PASK: variants seen among roughly 807,000 people sequenced by gnomAD.
PASK encodes the protein PAS domain containing serine/threonine kinase, also known as PAS domain-containing serine/threonine-protein kinase.
In PASK, 110 loss-of-function variants were observed where a neutral mutation model predicts 121.0. The observed-to-expected ratio is 0.91, with a 90% CI of 0.78 to 1.06. The LOEUF is 1.06. Among genes scored for constraint, PASK ranks in the 50% least tolerant of loss-of-function variants. The pLI is 0.00. For missense variants in PASK, 1,643 were observed against 1,702.3 expected, an observed-to-expected ratio of 0.97 and a Z score of 0.61; for synonymous variants, 686 against 717.8, an observed-to-expected ratio of 0.96 and a Z score of 0.71.
upstream of PASK, chr2:241,149,751 G>A: frequency 1.3e-6 from 2 of 1,541,916 alleles, no homozygotes; most frequent in South Asian, 1.2e-5. Context: ...TCTTTCTGAA[G>A]GCGGAGGACG....
chr2:241,134,856 AG>A (rs1171415682), intron 8 of PASK: 1 of 148,180 alleles, frequency 6.7e-6, no homozygotes, highest in Non-Finnish European at 1.5e-5. Context: ...AGCCTGCCCC[AG>A]GAACTCCAGA....
chr2:241,139,714 G>A, intron 4 of PASK, 171 bp downstream of exon 4: 2 of 724,706 alleles, frequency 2.8e-6, no homozygotes, highest in South Asian at 1.5e-5. Flanking sequence ...CACCCCCACT[G>A]CAGCTGAAGC....
At chr2:241,130,211 C>A (rs552860069) in intron 9 of PASK, among the ~76,000 whole-genome samples, 123 of 152,314 alleles carry the variant, frequency 8.1e-4, no homozygotes, top group Non-Finnish European at 1.4e-3. Context: ...AATAAGCGAA[C>A]GAGTGAGTGA....
intron 15 of PASK, chr2:241,109,411 A>G (rs941655828): frequency 6.6e-6 from 1 of 152,632 alleles, no homozygotes; most frequent in South Asian, 2.1e-4. Context: ...GTCTGTCCCC[A>G]GAAGAGGTCT....
At chr2:241,143,562 A>G (rs2066813835) in intron 1 of PASK, among the ~76,000 whole-genome samples, 1 of 150,624 alleles carries the variant, frequency 6.6e-6, no homozygotes, top group Non-Finnish European at 1.5e-5. Flanking sequence ...AAAAAAAAGA[A>G]AAAAAAAAAG....
intron 1 of PASK, 26 bp downstream of exon 1, chr2:241,149,388 C>T (rs372992362): frequency 2.4e-6 from 1 of 418,434 alleles, no homozygotes; most frequent in Non-Finnish European, 4.3e-6. Context: ...GAGCCCGGCC[C>T]GCTCTCCCGA....
chr2:241,140,520 C>T lies in PASK; in HGVS notation c.429+1G>A. On this transcript the variant is annotated splice_donor_variant, in intron 3 of 17. Coordinates refer to ENST00000234040, the MANE Select transcript of PASK (RefSeq NM_015148.4). LOFTEE classifies it high-confidence loss of function. ...GCTGGATCTAAAAGAGAAGCAAATA[C>T]CTCTGTGGTCTTGGCATCCACCGTG... 1 of 1,597,156 alleles carries T rather than the reference C, an allele frequency of 6.3e-7. No individual in the cohort carries two copies. The highest frequency in any genetic ancestry group is 8.6e-7 in the Non-Finnish European group (1 of 1,165,908).
intron 12 of PASK, among the ~76,000 whole-genome samples, chr2:241,117,048 C>A (rs1309452708): frequency 6.6e-6 from 1 of 151,944 alleles, no homozygotes; most frequent in African/African-American, 2.4e-5. Flanking sequence ...TGTGGCAGAG[C>A]GCACCTGAGC....
At chr2:241,136,703 G>C (rs1264519049) in intron 7 of PASK, among the ~76,000 whole-genome samples, 3 of 152,216 alleles carry the variant, frequency 2.0e-5, no homozygotes, top group Non-Finnish European at 4.4e-5. Context: ...CTACTAGGGT[G>C]AGAAATGAAC....
intron 17 of PASK, 149 bp from the exon 18 acceptor site, chr2:241,106,872 C>A: frequency 3.8e-6 from 3 of 794,946 alleles, no homozygotes; most frequent in South Asian, 3.0e-5. Context: ...ACAGATCCTG[C>A]CAAGGTGGGG....
intron 14 of PASK, 162 bp downstream of exon 14, chr2:241,114,881 A>G (rs928961735): frequency 2.0e-6 from 3 of 1,524,800 alleles, no homozygotes; most frequent in Non-Finnish European, 8.8e-7. Flanking sequence ...TCAATCATAG[A>G]ATTTTCTTCT....
intron 11 of PASK, among the ~76,000 whole-genome samples, chr2:241,123,399 T>G (rs558183835): frequency 6.6e-6 from 1 of 151,976 alleles, no homozygotes; most frequent in East Asian, 1.9e-4. Context: ...AGGATGGTCT[T>G]GATCTCCTGA....
At chr2:241,137,870 A>C in intron 6 of PASK, 83 bp downstream of exon 6, 1 of 1,511,516 alleles carries the variant, frequency 6.6e-7, no homozygotes, top group South Asian at 1.1e-5. Context: ...TGCCTTCAGA[A>C]ACCCTTGGTC....
intron 9 of PASK, among the ~76,000 whole-genome samples, chr2:241,130,935 C>T (rs150136196): frequency 4.0e-4 from 61 of 152,266 alleles, no homozygotes; most frequent in Non-Finnish European, 2.8e-4. Context: ...GAAGCAGTTA[C>T]ATGTGAGCAC....
intron 15 of PASK, among the ~76,000 whole-genome samples, chr2:241,110,107 G>A (rs7579351): frequency 0.24 from 35,828 of 152,176 alleles, 6,592 homozygotes; most frequent in African/African-American, 0.5. Flanking sequence ...TCCAGAAAAC[G>A]CAATCAAATT....
chr2:241,113,984 C>G, intron 14 of PASK: 2 of 981,310 alleles, frequency 2.0e-6, no homozygotes, highest in Non-Finnish European at 2.4e-6. Context: ...GGTAGAGATT[C>G]TTTTGGCAAA....
At position 241,127,186 on chromosome 2, in the gene PASK, C is replaced by G; in HGVS notation, c.1729G>C (p.Gly577Arg). The G allele has an allele frequency of 6.2e-7, 1 of 1,614,238 alleles. No individual in the cohort carries two copies. Among genetic ancestry groups the G allele is most frequent in the South Asian group, 1.1e-5 (1 of 91,088 alleles). ...TCTGAACCGCTGGGACCACTGACTC[C>G]CATCCGCTCTAGCTGGGCCTTCTGA... ...LCQKAQLERMGVSGPSGSDLW... is the reference protein window; with the variant it reads ...LCQKAQLERMRVSGPSGSDLW... The change falls in exon 10 of 18, where the codon GGA (glycine) becomes CGA (arginine). Residue 577 changes from glycine (G) to arginine (R), a missense_variant. This residue lies in a region of PASK where 1,176 missense variants were observed against 1,162.2 expected (regional missense o/e 1.01). Coordinates refer to ENST00000234040, the MANE Select transcript of PASK (RefSeq NM_015148.4).
rs12990333 is a variant in PASK, at chr2:241,115,424, G to A, written c.3073-11C>T. 6.2e-7 allele frequency: 1 copy of A among 1,613,708 alleles called. No individual in the cohort carries two copies. The highest frequency in any genetic ancestry group is 8.5e-7 in the Non-Finnish European group (1 of 1,179,786). On this transcript the variant is annotated splice_polypyrimidine_tract_variant and intron_variant, in intron 12 of 17. Transcript: ENST00000234040. Reference sequence around the variant, plus strand: ...AAACTTCACCACCACCTGTGAGGAAGACAGAGCGTAGTGGAAATAGCTGGA... The same window carrying A: ...AAACTTCACCACCACCTGTGAGGAAAACAGAGCGTAGTGGAAATAGCTGGA...
chr2:241,108,068 T>C lies in PASK; in HGVS notation c.3667+99A>G. 9.2e-7 allele frequency: 1 copy of C among 1,083,514 alleles called. No homozygotes were observed. The highest frequency in any genetic ancestry group is 1.4e-6 in the Non-Finnish European group (1 of 698,276). The allele number at this position is 1,083,514 out of a possible 1,614,324, so 67.1% of individuals were successfully genotyped here. A position where few individuals can be genotyped will look rare whatever the true frequency, so the allele number is the denominator to read the frequency against. On this transcript the variant is annotated intron_variant, in intron 16 of 17. Coordinates refer to ENST00000234040, the MANE Select transcript of PASK (RefSeq NM_015148.4). This position sits in a 1 kb window ranked among gnomAD's most constrained non-coding sequence, Gnocchi z 5.2. ...GAAAAGAAACAAATGAGACTGTTGA[T>C]ATGGACAGAGATACACTGAGGAATG...
Sources: gnomAD v4.1 joint callset for allele counts (sites outside exome capture counted in the v4.1 genomes callset) on GRCh38, gnomAD v4.1.1 for gene constraint, gnomAD v4.1.1 regional missense constraint, Gnocchi (gnomAD v3.1) non-coding constraint, MANE v1.5 for transcripts, NCBI Gene and HGNC (gene_info 2026-07-23, HGNC 2026-07-21) for gene names.